The following INPP5D variants were observed in gnomAD, a reference collection of about 807,000 sequenced individuals.
INPP5D encodes phosphatidylinositol 3,4,5-trisphosphate 5-phosphatase 1.
Under a neutral mutation model 122.9 loss-of-function variants are expected in INPP5D, and 33 were observed. The observed-to-expected ratio is 0.27, with a 90% confidence interval of 0.20 to 0.36. INPP5D has a LOEUF of 0.36. INPP5D is among the 10% of genes least tolerant of loss of function. INPP5D has a pLI of 1.00. For missense variants in INPP5D, 1,053 were observed against 1,412.7 expected, an observed-to-expected ratio of 0.75 and a Z score of 4.08; for synonymous variants, 584 against 576.2, an observed-to-expected ratio of 1.01 and a Z score of -0.19.
chr2:233,168,005 C>CAAGAAAAA (rs1694391289), intron 13 of INPP5D, among the ~76,000 whole-genome samples: 1 of 72,712 alleles, frequency 1.4e-5, no homozygotes, highest in Non-Finnish European at 2.5e-5. Context: ...ACTCTGTCTC[C>CAAGAAAAA]AAAAAAAAAA....
At chr2:233,060,743 T>C (rs1691049713) in intron 1 of INPP5D, 131 bp downstream of exon 1, 1 of 1,263,900 alleles carries the variant, frequency 7.9e-7, no homozygotes, top group Admixed American at 2.1e-5. Flanking sequence ...CGCCACCCTG[T>C]CATGGACCTT....
chr2:233,068,136 T>C (rs1434896643), intron 1 of INPP5D, among the ~76,000 whole-genome samples: 1 of 151,988 alleles, frequency 6.6e-6, no homozygotes, highest in Non-Finnish European at 1.5e-5. Context: ...AAATACAAAA[T>C]TAGCCTGCGA....
intron 6 of INPP5D, among the ~76,000 whole-genome samples, chr2:233,141,802 C>T (rs1693637180): frequency 1.3e-5 from 2 of 152,122 alleles, no homozygotes; most frequent in Non-Finnish European, 2.9e-5. Context: ...CCACGCTGGT[C>T]ACCACAATTC....
intron 22 of INPP5D, 102 bp downstream of exon 22, chr2:233,190,039 C>T: frequency 6.6e-7 from 1 of 1,503,910 alleles, no homozygotes; most frequent in East Asian, 2.3e-5. Context: ...GTCATAGGCT[C>T]CTGCCTCTCC....
intron 8 of INPP5D, among the ~76,000 whole-genome samples, 175 bp from the exon 9 acceptor site, chr2:233,147,296 G>A (rs572894458): frequency 2.0e-5 from 3 of 152,322 alleles, no homozygotes; most frequent in African/African-American, 2.4e-5. Flanking sequence ...TGTGATTCCC[G>A]GGAGACGCCT....
chr2:233,174,422 C>T (rs1480957340), intron 17 of INPP5D, among the ~76,000 whole-genome samples: 1 of 152,254 alleles, frequency 6.6e-6, no homozygotes, highest in Admixed American at 6.5e-5. Flanking sequence ...CAGTCCATTA[C>T]TGTGGTACAT....
chr2:233,171,397 AC>A, intron 17 of INPP5D: 1 of 462,840 alleles, frequency 2.2e-6, no homozygotes, highest in Non-Finnish European at 3.7e-6. Flanking sequence ...TGCTGAGAGG[AC>A]TTTAAAGTAT....
chr2:233,161,869 C>T (rs1209980723), intron 11 of INPP5D, 43 bp downstream of exon 11: 4 of 1,580,522 alleles, frequency 2.5e-6, no homozygotes, highest in Non-Finnish European at 3.4e-6. Flanking sequence ...CCCTCTGCTT[C>T]TGCTTTCCTG....
intron 9 of INPP5D, among the ~76,000 whole-genome samples, chr2:233,153,282 C>T (rs1345400949): frequency 6.6e-6 from 1 of 152,174 alleles, no homozygotes; most frequent in Non-Finnish European, 1.5e-5. Context: ...GGAAAAGTCT[C>T]AGCATTTGGT....
intron 2 of INPP5D, among the ~76,000 whole-genome samples, chr2:233,088,290 T>G (rs1187394334): frequency 6.6e-6 from 1 of 152,202 alleles, no homozygotes; most frequent in African/African-American, 2.4e-5. Context: ...CTCATTTTGT[T>G]GCAAGCCTGC....
At chr2:233,060,647 A>G in intron 1 of INPP5D, 35 bp downstream of exon 1, 1 of 1,610,796 alleles carries the variant, frequency 6.2e-7, no homozygotes, top group Non-Finnish European at 8.5e-7. Context: ...GGGCACAGAT[A>G]TGACAGAGGG....
chr2:233,102,849 CA>C lies in INPP5D; in HGVS notation c.199-19243del, dbSNP rs543054221. Reference sequence around the variant, plus strand: ...TGGGCGACAGAGCAAGACTCCGTCTCAAAAAAAAAAAAAAACAACCAAAAAA... The same window carrying C: ...TGGGCGACAGAGCAAGACTCCGTCTCAAAAAAAAAAAAAACAACCAAAAAA... On this transcript the variant is annotated intron_variant, in intron 2 of 26. Coordinates refer to ENST00000445964, the MANE Select transcript of INPP5D (RefSeq NM_001017915.3). Among the ~76,000 whole-genome samples the C allele has an allele frequency of 3.6e-3, 324 of 88,800 alleles. 2 individuals are homozygous for C. Among genetic ancestry groups the C allele is most frequent in the Middle Eastern group, 0.03 (4 of 132 alleles). 58.3% of individuals were successfully genotyped at this position (88,800 alleles called of 152,430 possible).
intron 9 of INPP5D, among the ~76,000 whole-genome samples, chr2:233,152,601 G>A (rs1693948991): frequency 6.6e-6 from 1 of 152,208 alleles, no homozygotes; most frequent in Non-Finnish European, 1.5e-5. Flanking sequence ...CAGTAATGGG[G>A]AAAAGCCTTT....
chr2:233,061,294 T>G (rs1185172218), intron 1 of INPP5D, among the ~76,000 whole-genome samples: 2 of 146,524 alleles, frequency 1.4e-5, no homozygotes, highest in Non-Finnish European at 3.0e-5. Context: ...TGTTACTGAA[T>G]GTACCAGCTG....
At chr2:233,166,114 G>T (rs1314589594) in intron 13 of INPP5D, among the ~76,000 whole-genome samples, 1 of 152,188 alleles carries the variant, frequency 6.6e-6, no homozygotes, top group African/African-American at 2.4e-5. Flanking sequence ...ACAGTAGAAG[G>T]GTGGGGCTGG....
Position 233,145,901 on chromosome 2 carries a change from C to T in INPP5D, c.754-261C>T, listed in dbSNP as rs141269324. The T allele has an allele frequency of 2.6e-3, 1,628 of 638,142 alleles. 20 individuals carry two copies. The highest frequency in any genetic ancestry group is 0.022 in the East Asian group (695 of 31,528). 39.5% of individuals were successfully genotyped at this position (638,142 alleles called of 1,614,324 possible). On this transcript the variant is annotated intron_variant, in intron 6 of 26. Coordinates refer to ENST00000445964, the MANE Select transcript of INPP5D (RefSeq NM_001017915.3). ...CAGTCCTCGAGTTTTGTTTAAGCAA[C>T]GGAGTGGGTGAGGTGAGAAGCACCG...
intron 23 of INPP5D, 61 bp downstream of exon 23, chr2:233,194,022 CT>C: frequency 6.7e-7 from 1 of 1,496,148 alleles, no homozygotes; most frequent in Non-Finnish European, 8.9e-7. Flanking sequence ...CGGGAACGTG[CT>C]TTCTCTCAGC....
intron 13 of INPP5D, among the ~76,000 whole-genome samples, chr2:233,168,557 T>C (rs145835056): frequency 2.1e-3 from 320 of 152,372 alleles, no homozygotes; most frequent in African/African-American, 7.5e-3. Context: ...CAGAAGTCAA[T>C]AGGCATGGCT....
Position 233,102,572 on chromosome 2 carries a change from G to A in INPP5D, c.199-19535G>A, listed in dbSNP as rs577811990. 3.3e-4 allele frequency among the ~76,000 whole-genome samples: 50 copies of A among 152,304 alleles called. No individual in the cohort carries two copies. The East Asian group carries it at 8.9e-3, about 27-fold the overall frequency. ...CAGGCTATGTGATCAAAACCACAGC[G>A]CCTCGGTGGCTCACGCCTGTAATCC... On this transcript the variant is annotated intron_variant, in intron 2 of 26. Coordinates refer to ENST00000445964, the MANE Select transcript of INPP5D (RefSeq NM_001017915.3).
Sources: gnomAD v4.1 joint callset for allele counts (sites outside exome capture counted in the v4.1 genomes callset) on GRCh38, gnomAD v4.1.1 for gene constraint, MANE v1.5 for transcripts, NCBI Gene and HGNC (gene_info 2026-07-23, HGNC 2026-07-21) for gene names.